Variants in IL16 observed in about 807,000 individuals in gnomAD.
The protein encoded by IL16 is interleukin 16.
In IL16, 67 loss-of-function variants were observed where a neutral mutation model predicts 110.1. The ratio of observed to expected loss-of-function variants is 0.61; its 90% CI spans 0.50 to 0.75. The LOEUF (loss-of-function observed/expected upper bound fraction) is 0.75. IL16 is among the 30% of genes least tolerant of loss of function. The pLI is 0.00. For missense variants in IL16, 1,545 were observed against 1,655.0 expected (o/e 0.93, Z 1.15); for synonymous variants, 689 against 662.9 (o/e 1.04, Z -0.61).
At chr15:81,232,617 G>A (rs1020996864) in intron 2 of IL16, among the ~76,000 whole-genome samples, 5 of 152,130 alleles carry the variant, frequency 3.3e-5, no homozygotes, top group South Asian at 2.1e-4. Context: ...TGAGATGCTC[G>A]TATGGAGTTT....
intron 2 of IL16, among the ~76,000 whole-genome samples, chr15:81,239,800 T>TTTG (rs371767132): frequency 0.024 from 3,651 of 152,084 alleles, 154 homozygotes; most frequent in African/African-American, 0.084. Flanking sequence ...TGTTTGTTTG[T>TTTG]TTTTGGCTTT....
intron 2 of IL16, among the ~76,000 whole-genome samples, chr15:81,249,022 G>C (rs1005183100): frequency 8.6e-5 from 13 of 151,732 alleles, no homozygotes; most frequent in Non-Finnish European, 1.6e-4. Flanking sequence ...ACCGCACCTG[G>C]ACCTATTTCT....
intron 2 of IL16, among the ~76,000 whole-genome samples, chr15:81,250,737 G>A (rs764314911): frequency 6.6e-6 from 1 of 152,182 alleles, no homozygotes. Flanking sequence ...TCTTGAAAAG[G>A]CCATCTGGTA....
rs1296667515 is a variant in IL16 at position 81,303,519 on chromosome 15, T to C, written c.3319-30T>C. 1.4e-6 allele frequency: 2 copies of C among 1,395,690 alleles called. No homozygotes were observed. The highest frequency in any genetic ancestry group is 2.3e-5 in the East Asian group (1 of 43,774). 86.5% of individuals were successfully genotyped at this position (1,395,690 alleles called of 1,614,324 possible). Reference sequence around the variant, plus strand: ...AATTGTTCATCCTCTTGCAGTAAAATGTTTTTGAATGTATGTATTTCCTCT... The same window carrying C: ...AATTGTTCATCCTCTTGCAGTAAAACGTTTTTGAATGTATGTATTTCCTCT... On this transcript the variant is annotated intron_variant, in intron 15 of 18. Coordinates refer to ENST00000683961, the MANE Select transcript of IL16 (RefSeq NM_172217.5). This position sits in a 1 kb window ranked among gnomAD's most constrained non-coding sequence, Gnocchi z 4.1.
intron 2 of IL16, 100 bp downstream of exon 2, chr15:81,225,811 A>C: frequency 8.8e-7 from 1 of 1,136,510 alleles, no homozygotes; most frequent in Non-Finnish European, 1.2e-6. Context: ...ATGAAGCTGC[A>C]GAGTTATAAT....
At chr15:81,195,793 CTG>C (rs1895582932), upstream of IL16, among the ~76,000 whole-genome samples, 1 of 152,160 alleles carries the variant, frequency 6.6e-6, no homozygotes, top group African/African-American at 2.4e-5. Flanking sequence ...CTCACAGAGA[CTG>C]AGCTTAGGAG....
At chr15:81,225,784 C>A in intron 2 of IL16, 73 bp downstream of exon 2, 2 of 1,279,510 alleles carry the variant, frequency 1.6e-6, no homozygotes, top group South Asian at 1.5e-5. Context: ...GTCTTTGAAT[C>A]CATTTATTCA....
chr15:81,305,822 T>C (rs970557028), intron 16 of IL16, 86 bp from the exon 17 acceptor site: 13 of 1,512,536 alleles, frequency 8.6e-6, no homozygotes, highest in African/African-American at 1.4e-5. Flanking sequence ...TCCTCTAGCA[T>C]TGACTAACCG....
upstream of IL16, among the ~76,000 whole-genome samples, chr15:81,192,437 CA>C (rs961140334): frequency 1.3e-5 from 2 of 148,322 alleles, no homozygotes; most frequent in Admixed American, 6.7e-5. Flanking sequence ...CGTGTCTCTA[CA>C]AAAAAAAAGA....
At chr15:81,237,132 A>G (rs985899392) in intron 2 of IL16, among the ~76,000 whole-genome samples, 1 of 152,162 alleles carries the variant, frequency 6.6e-6, no homozygotes, top group Admixed American at 6.5e-5. Context: ...TCTGCCTGGA[A>G]TATCTTCCTC....
chr15:81,300,700 C>A (rs1900240832), intron 14 of IL16, among the ~76,000 whole-genome samples: 1 of 152,110 alleles, frequency 6.6e-6, no homozygotes, highest in Non-Finnish European at 1.5e-5. Flanking sequence ...GTTTTCACAA[C>A]ATCTGGCTTC....
At chr15:81,201,168 T>TGG (rs906883484) in intron 1 of IL16, among the ~76,000 whole-genome samples, 3 of 152,076 alleles carry the variant, frequency 2.0e-5, no homozygotes, top group African/African-American at 7.2e-5. Flanking sequence ...TGTGTGTGTG[T>TGG]GTGTATGTGT....
chr15:81,221,324 G>A (rs1436405825), intron 1 of IL16, among the ~76,000 whole-genome samples: 5 of 152,152 alleles, frequency 3.3e-5, no homozygotes, highest in Non-Finnish European at 7.3e-5. Flanking sequence ...GTCTTGTGGA[G>A]GGCCCACCAG....
At chr15:81,283,403 G>A (rs561530413) in intron 9 of IL16, among the ~76,000 whole-genome samples, 2 of 152,042 alleles carry the variant, frequency 1.3e-5, no homozygotes, top group African/African-American at 4.8e-5. Context: ...TCTGGGCATA[G>A]CTCAGAGCCG....
chr15:81,244,618 T>C (rs1897470616), intron 2 of IL16, among the ~76,000 whole-genome samples: 1 of 152,172 alleles, frequency 6.6e-6, no homozygotes, highest in Non-Finnish European at 1.5e-5. Flanking sequence ...AAGATAATTT[T>C]ATGTGTCTAG....
intron 10 of IL16, among the ~76,000 whole-genome samples, chr15:81,288,848 TGC>T (rs1555422840): frequency 1.3e-5 from 2 of 150,754 alleles, no homozygotes; most frequent in African/African-American, 4.9e-5. Context: ...TGTGTGTGTG[TGC>T]GTGTGTGTGT....
At chr15:81,251,313 C>T (rs1241645009) in intron 2 of IL16, among the ~76,000 whole-genome samples, 1 of 152,080 alleles carries the variant, frequency 6.6e-6, no homozygotes, top group African/African-American at 2.4e-5. Flanking sequence ...ACTACAGGTT[C>T]GTACCACCAC....
chr15:81,224,262 C>T (rs147811060), intron 1 of IL16, among the ~76,000 whole-genome samples: 24 of 152,306 alleles, frequency 1.6e-4, no homozygotes, highest in African/African-American at 4.1e-4. Flanking sequence ...ACTGGATGTG[C>T]GCAAACAGCA....
At chr15:81,271,602 C>G (rs1431086332) in intron 5 of IL16, among the ~76,000 whole-genome samples, 6 of 152,166 alleles carry the variant, frequency 3.9e-5, no homozygotes, top group Non-Finnish European at 7.4e-5. Context: ...GGCTGTCTGA[C>G]CCCTGGGCCT....
Sources: allele counts gnomAD v4.1 joint callset (sites outside exome capture counted in the v4.1 genomes callset), GRCh38; gene constraint gnomAD v4.1.1; non-coding constraint Gnocchi (gnomAD v3.1); transcripts MANE v1.5; gene names NCBI Gene and HGNC (gene_info 2026-07-23, HGNC 2026-07-21).